MBOAT2: variants seen among roughly 807,000 people sequenced by gnomAD.
The protein encoded by MBOAT2 is membrane bound glycerophospholipid O-acyltransferase 2, also known as membrane-bound glycerophospholipid O-acyltransferase 2.
Under a neutral mutation model 63.4 loss-of-function variants are expected in MBOAT2, and 28 were observed. The ratio of observed to expected loss-of-function variants is 0.44; its 90% confidence interval spans 0.33 to 0.61. The LOEUF (loss-of-function observed/expected upper bound fraction) is 0.61, where lower values mean the gene tolerates loss of function less well. Among genes scored for constraint, MBOAT2 ranks in the 20% least tolerant of loss-of-function variants. MBOAT2 has a pLI of 0.03. For missense variants in MBOAT2, 470 were observed against 605.8 expected (o/e 0.78, Z 2.35); for synonymous variants, 211 against 215.6 (o/e 0.98, Z 0.19).
intron 1 of MBOAT2, among the ~76,000 whole-genome samples, chr2:8,978,251 C>T (rs973856312): frequency 2.1e-4 from 32 of 152,218 alleles, no homozygotes; most frequent in African/African-American, 7.7e-4. Flanking sequence ...CACCCCAAAG[C>T]TGACACTTCC....
chr2:8,981,954 T>C (rs1424869174), intron 1 of MBOAT2, among the ~76,000 whole-genome samples: 1 of 152,162 alleles, frequency 6.6e-6, no homozygotes, highest in Non-Finnish European at 1.5e-5. Context: ...CAATGGTTAA[T>C]GAAGACAGAC....
At chr2:8,995,690 G>A (rs372873489) in intron 1 of MBOAT2, among the ~76,000 whole-genome samples, 13 of 149,176 alleles carry the variant, frequency 8.7e-5, no homozygotes, top group African/African-American at 2.5e-4. Flanking sequence ...TCCCGGGTTC[G>A]CGCCATTCTC....
intron 2 of MBOAT2, 35 bp downstream of exon 2, chr2:8,958,462 G>A: frequency 6.5e-7 from 1 of 1,534,660 alleles, no homozygotes; most frequent in Non-Finnish European, 8.8e-7. Flanking sequence ...CATCCAAATA[G>A]TCTTCATTTT....
chr2:8,898,474 T>C (rs2148569999), intron 4 of MBOAT2, among the ~76,000 whole-genome samples: 1 of 152,360 alleles, frequency 6.6e-6, no homozygotes, highest in East Asian at 1.9e-4. Flanking sequence ...GCCTAGATAT[T>C]TGGCCTGCTG....
intron 3 of MBOAT2, among the ~76,000 whole-genome samples, chr2:8,938,604 TGTTTCATGCTGCCAC>T (rs1667830285): frequency 6.6e-6 from 1 of 151,776 alleles, no homozygotes; most frequent in Non-Finnish European, 1.5e-5. Flanking sequence ...CATGCCACCG[TGTTTCATGCTGCCAC>T]GTTTCATGCC....
intron 1 of MBOAT2, among the ~76,000 whole-genome samples, chr2:9,000,054 C>A (rs1213104797): frequency 6.6e-6 from 1 of 152,188 alleles, no homozygotes; most frequent in African/African-American, 2.4e-5. Context: ...TCCATGCAGA[C>A]CCATAATTTC....
chr2:8,986,463 T>C (rs1295751234), intron 1 of MBOAT2, among the ~76,000 whole-genome samples: 2 of 151,856 alleles, frequency 1.3e-5, no homozygotes, highest in African/African-American at 4.8e-5. Context: ...CTCAGGAGAC[T>C]GAGGTGGGAG....
At position 8,901,885 on chromosome 2, in the gene MBOAT2, G is replaced by A. The variant is rs565827917; in HGVS notation, c.395+6736C>T. On this transcript the variant is annotated intron_variant, in intron 4 of 12. Coordinates refer to ENST00000305997, the MANE Select transcript of MBOAT2 (RefSeq NM_138799.4). ...TAGAAGCAGGACTAGCCTTGGAGAA[G>A]AGAGGCGAGAGGAAGTTTGTCTGAC... is the stretch of plus-strand genomic sequence containing the variant. Among the ~76,000 whole-genome samples, 3 of 152,294 alleles carry A rather than the reference G, an allele frequency of 2.0e-5. No homozygotes were observed. In the South Asian group the frequency reaches 6.2e-4, roughly 32 times the overall value.
intron 1 of MBOAT2, among the ~76,000 whole-genome samples, chr2:9,000,261 T>C (rs187015306): frequency 3.3e-4 from 51 of 152,362 alleles, no homozygotes; most frequent in African/African-American, 1.2e-3. Flanking sequence ...TTTGTCTTTT[T>C]CCTGTTGAAT....
chr2:8,901,095 C>T (rs1048172931), intron 4 of MBOAT2, among the ~76,000 whole-genome samples: 7 of 152,000 alleles, frequency 4.6e-5, no homozygotes, highest in Non-Finnish European at 8.8e-5. Context: ...CCCTGCTGAT[C>T]GGAATAGTTG....
chr2:8,856,273 G>T lies in MBOAT2; in HGVS notation c.*2406C>A, dbSNP rs776577521. ...AAATAAATTCAGGTAACAGAAATGTGATTATTTGTAGGTGGCTAGATAGGC... is the reference window on the plus strand; with the variant it reads ...AAATAAATTCAGGTAACAGAAATGTTATTATTTGTAGGTGGCTAGATAGGC... On this transcript the variant is annotated 3_prime_UTR_variant, in exon 13 of 13. Transcript: ENST00000305997. The surrounding 1 kb of genome is among the most constrained non-coding windows in gnomAD (Gnocchi z 4.2). 1 of 150,218 alleles carries T rather than the reference G, an allele frequency of 6.7e-6. No individual in the cohort carries two copies. Among genetic ancestry groups the T allele is most frequent in the Non-Finnish European group, 1.5e-5 (1 of 67,874 alleles). The allele number at this position is 150,218 out of a possible 1,614,324, so 9.3% of individuals were successfully genotyped here.
At chr2:8,968,590 G>C (rs192140077) in intron 1 of MBOAT2, among the ~76,000 whole-genome samples, 21 of 152,336 alleles carry the variant, frequency 1.4e-4, no homozygotes, top group African/African-American at 5.1e-4. Context: ...TGAGCTAAAG[G>C]AGGAAGTTTG....
chr2:8,978,916 G>T (rs980105327), intron 1 of MBOAT2, among the ~76,000 whole-genome samples: 2 of 151,922 alleles, frequency 1.3e-5, no homozygotes, highest in Non-Finnish European at 2.9e-5. Flanking sequence ...ATTCCTAAGT[G>T]TGATGACTGG....
chr2:8,898,061 T>A (rs1358575815), intron 4 of MBOAT2, among the ~76,000 whole-genome samples: 1 of 152,260 alleles, frequency 6.6e-6, no homozygotes, highest in Non-Finnish European at 1.5e-5. Flanking sequence ...CTTTTGCTAC[T>A]ACATCAATTT....
intron 5 of MBOAT2, among the ~76,000 whole-genome samples, chr2:8,887,635 G>A (rs938307863): frequency 6.6e-6 from 1 of 152,192 alleles, no homozygotes; most frequent in Non-Finnish European, 1.5e-5. Flanking sequence ...AATTATGAAT[G>A]TGTGTATATC....
chr2:8,893,041 G>A (rs1282206781), intron 4 of MBOAT2, among the ~76,000 whole-genome samples: 5 of 143,650 alleles, frequency 3.5e-5, no homozygotes, highest in Non-Finnish European at 7.6e-5. Flanking sequence ...AAAAAAGACT[G>A]TGGGGGCACC....
chr2:8,901,654 G>A (rs1664936236), intron 4 of MBOAT2, among the ~76,000 whole-genome samples: 1 of 152,154 alleles, frequency 6.6e-6, no homozygotes, highest in Non-Finnish European at 1.5e-5. Context: ...CCTAGCTTCA[G>A]GAATAGTTTT....
At chr2:8,879,330 G>A (rs1040350843) in intron 6 of MBOAT2, among the ~76,000 whole-genome samples, 2 of 152,186 alleles carry the variant, frequency 1.3e-5, no homozygotes, top group Non-Finnish European at 2.9e-5. Context: ...GTCAAACTAT[G>A]TATCACCGTT....
At chr2:8,898,941 A>T (rs1373403002) in intron 4 of MBOAT2, among the ~76,000 whole-genome samples, 1 of 152,106 alleles carries the variant, frequency 6.6e-6, no homozygotes, top group Non-Finnish European at 1.5e-5. Context: ...TCCACTGACC[A>T]TTCGGTTTTT....
Sources: gnomAD v4.1 joint callset for allele counts (sites outside exome capture counted in the v4.1 genomes callset) on GRCh38, gnomAD v4.1.1 for gene constraint, Gnocchi (gnomAD v3.1) non-coding constraint, MANE v1.5 for transcripts, NCBI Gene and HGNC (gene_info 2026-07-23, HGNC 2026-07-21) for gene names.